The following CNTN5 variants were observed in gnomAD, a reference collection of about 807,000 sequenced individuals.
CNTN5 encodes the protein contactin-5.
CNTN5 carries 77 observed loss-of-function variants against 129.1 expected under a neutral mutation model. The ratio of observed to expected loss-of-function variants is 0.60; its 90% confidence interval spans 0.50 to 0.72. The LOEUF (loss-of-function observed/expected upper bound fraction) is 0.72. Among genes scored for constraint, CNTN5 ranks in the 30% least tolerant of loss-of-function variants. The pLI is 0.00. For missense variants in CNTN5, 1,478 were observed against 1,328.8 expected, an observed-to-expected ratio of 1.11 and a Z score of -1.75; for synonymous variants, 509 against 465.6, an observed-to-expected ratio of 1.09 and a Z score of -1.20.
intron 3 of CNTN5, among the ~76,000 whole-genome samples, chr11:99,810,407 G>A (rs1280844934): frequency 6.6e-6 from 1 of 151,806 alleles, no homozygotes; most frequent in African/African-American, 2.4e-5. Flanking sequence ...TTTTTTTCTT[G>A]TATCTTGGAA....
At chr11:99,247,610 CT>C (rs372050287) in intron 1 of CNTN5, among the ~76,000 whole-genome samples, 13,960 of 151,972 alleles carry the variant, frequency 0.092, 688 homozygotes, top group Middle Eastern at 0.12. Context: ...ATCCCTCCCC[CT>C]TTCCCCCATC....
intron 2 of CNTN5, among the ~76,000 whole-genome samples, chr11:99,479,948 T>C (rs1945527156): frequency 1.3e-5 from 2 of 152,020 alleles, no homozygotes; most frequent in Admixed American, 6.6e-5. Context: ...CCAAATTTAT[T>C]CCCAATGGCA....
intron 3 of CNTN5, among the ~76,000 whole-genome samples, chr11:99,808,148 G>A (rs1946327852): frequency 6.6e-6 from 1 of 152,136 alleles, no homozygotes; most frequent in Non-Finnish European, 1.5e-5. Flanking sequence ...ACATAACTTA[G>A]CCAAGAAACA....
At chr11:99,048,437 A>G (rs1379870289) in intron 1 of CNTN5, among the ~76,000 whole-genome samples, 4 of 152,128 alleles carry the variant, frequency 2.6e-5, no homozygotes, top group Non-Finnish European at 5.9e-5. Context: ...TTCCCCCAGT[A>G]TTTCTCTATT....
chr11:99,801,071 G>GT (rs970813831), intron 3 of CNTN5, among the ~76,000 whole-genome samples: 44 of 152,012 alleles, frequency 2.9e-4, no homozygotes, highest in Non-Finnish European at 5.9e-4. Flanking sequence ...GTTTTGTTTT[G>GT]TTTTTCTCAT....
At chr11:99,578,977 G>A (rs1053769633) in intron 3 of CNTN5, among the ~76,000 whole-genome samples, 6 of 152,108 alleles carry the variant, frequency 3.9e-5, no homozygotes, top group African/African-American at 1.4e-4. Context: ...AACCATGTAA[G>A]TCTTTAATCC....
chr11:99,645,822 G>C (rs1951940592), intron 3 of CNTN5, among the ~76,000 whole-genome samples: 1 of 151,864 alleles, frequency 6.6e-6, no homozygotes, highest in Non-Finnish European at 1.5e-5. Flanking sequence ...GGGAGCGAGA[G>C]CATTAGGAGA....
At chr11:99,819,013 C>A (rs1946684520) in intron 3 of CNTN5, among the ~76,000 whole-genome samples, 1 of 151,362 alleles carries the variant, frequency 6.6e-6, no homozygotes, top group African/African-American at 2.4e-5. Flanking sequence ...ACACCTCATA[C>A]TACATAATAA....
chr11:99,051,055 T>C (rs2135174820), intron 1 of CNTN5, among the ~76,000 whole-genome samples: 1 of 152,026 alleles, frequency 6.6e-6, no homozygotes, highest in South Asian at 2.1e-4. Context: ...CAGAATAGCA[T>C]CAATTAACAT....
chr11:99,357,977 C>T (rs1182684693), intron 2 of CNTN5, among the ~76,000 whole-genome samples: 1 of 149,118 alleles, frequency 6.7e-6, no homozygotes. Flanking sequence ...GCACTCCAGC[C>T]TGGGCGAGAG....
At chr11:99,330,667 C>T (rs1865964418) in intron 2 of CNTN5, among the ~76,000 whole-genome samples, 1 of 152,008 alleles carries the variant, frequency 6.6e-6, no homozygotes, top group East Asian at 1.9e-4. Flanking sequence ...ACAGTGGCCT[C>T]AGATGCATTT....
intron 6 of CNTN5, among the ~76,000 whole-genome samples, chr11:99,859,745 A>G (rs1054992868): frequency 6.6e-6 from 1 of 151,948 alleles, no homozygotes; most frequent in African/African-American, 2.4e-5. Flanking sequence ...TATCCACTCC[A>G]CTGTTGATGG....
intron 13 of CNTN5, among the ~76,000 whole-genome samples, chr11:100,075,098 T>A (rs759006714): frequency 2.6e-5 from 4 of 152,150 alleles, no homozygotes; most frequent in African/African-American, 4.8e-5. Context: ...TTTATGTTTG[T>A]CCCAATCTAC....
intron 3 of CNTN5, among the ~76,000 whole-genome samples, chr11:99,570,744 T>A (rs1458157892): frequency 1.3e-5 from 2 of 152,152 alleles, no homozygotes; most frequent in Non-Finnish European, 2.9e-5. Flanking sequence ...CTAATAGGAA[T>A]AATTCCCATA....
chr11:99,674,610 T>C (rs1287839772), intron 3 of CNTN5, among the ~76,000 whole-genome samples: 2 of 152,158 alleles, frequency 1.3e-5, no homozygotes, highest in Non-Finnish European at 2.9e-5. Flanking sequence ...GCAATCACTC[T>C]TGTCAGACCC....
chr11:100,299,351 G>A lies in CNTN5; in HGVS notation c.2575G>A (p.Asp859Asn), dbSNP rs1256863641. 6.2e-7 allele frequency: 1 copy of A among 1,609,612 alleles called. No homozygotes were observed. The highest frequency in any genetic ancestry group is 8.5e-7 in the Non-Finnish European group (1 of 1,177,222). Residue 859 changes from aspartate (D) to asparagine (N), a missense_variant, in exon 20 of 25, where the codon GAT (aspartate) becomes AAT (asparagine). By Grantham distance (23) the Asp-to-Asn change is conservative. Transcript: ENST00000524871. ...AGTTGGCGTTTATAACAATAAAGGA[G>A]ATGGGCCTTTTAGTCAAATTGTGGT... ...VKVGVYNNKG[D>N]GPFSQIVVIC...
chr11:99,617,200 A>T (rs1950789046), intron 3 of CNTN5, among the ~76,000 whole-genome samples: 1 of 152,210 alleles, frequency 6.6e-6, no homozygotes, highest in Non-Finnish European at 1.5e-5. Flanking sequence ...ACCTTTTAAG[A>T]TATGCTAACT....
At chr11:99,192,763 T>C (rs1443032658) in intron 1 of CNTN5, among the ~76,000 whole-genome samples, 1 of 152,082 alleles carries the variant, frequency 6.6e-6, no homozygotes, top group East Asian at 1.9e-4. Flanking sequence ...TCCCTAGTTG[T>C]ATGAACACTG....
intron 6 of CNTN5, among the ~76,000 whole-genome samples, chr11:99,891,094 G>GA (rs766258446): frequency 1.3e-5 from 2 of 152,130 alleles, no homozygotes; most frequent in African/African-American, 2.4e-5. Context: ...GAACAGACCA[G>GA]AAAAAATACA....
Sources: gnomAD v4.1 joint callset for allele counts (sites outside exome capture counted in the v4.1 genomes callset) on GRCh38, gnomAD v4.1.1 for gene constraint, MANE v1.5 for transcripts, NCBI Gene and HGNC (gene_info 2026-07-23, HGNC 2026-07-21) for gene names.